Variants in GLB1 observed in about 807,000 individuals in gnomAD.
GLB1 encodes beta-galactosidase.
Under a neutral mutation model 74.0 loss-of-function variants are expected in GLB1, and 56 were observed. That is an observed-to-expected ratio of 0.76 (90% CI 0.61 to 0.94). The LOEUF is 0.94. Among genes scored for constraint, GLB1 ranks in the 40% least tolerant of loss-of-function variants. The pLI, the probability that GLB1 is intolerant of heterozygous loss-of-function variation, is 0.00. For missense variants in GLB1, 787 were observed against 845.5 expected, an observed-to-expected ratio of 0.93 and a Z score of 0.86; for synonymous variants, 323 against 323.6, an observed-to-expected ratio of 1.00 and a Z score of 0.02.
At chr3:33,015,241 T>C (rs1016283938) in intron 14 of GLB1, among the ~76,000 whole-genome samples, 3 of 152,142 alleles carry the variant, frequency 2.0e-5, no homozygotes, top group Admixed American at 2.0e-4. Context: ...GTACGACGGA[T>C]GCAGCCAGGA....
intron 12 of GLB1, among the ~76,000 whole-genome samples, chr3:33,019,725 G>GTTTCC (rs911180399): frequency 3.3e-5 from 5 of 152,198 alleles, no homozygotes; most frequent in African/African-American, 1.2e-4. Flanking sequence ...AAAGTGGTAA[G>GTTTCC]TTTCCTCAAG....
intron 6 of GLB1, among the ~76,000 whole-genome samples, chr3:33,055,830 G>A (rs1699192202): frequency 6.6e-6 from 1 of 151,760 alleles, no homozygotes; most frequent in Non-Finnish European, 1.5e-5. Flanking sequence ...CAACCTAACG[G>A]ATGAGTCCTT....
In GLB1 at chr3:33,007,261, T is replaced by G. The variant is rs370918105; in HGVS notation, c.1734+6795A>C. On this transcript the variant is annotated intron_variant, in intron 15 of 15. Coordinates refer to ENST00000307363, the MANE Select transcript of GLB1 (RefSeq NM_000404.4). The stretch of plus-strand genomic sequence containing the variant: ...ATTCATATACCATACAATTCAGCAG[T>G]CTTTAGTATACTACAGAGCTGCACA... 4.6e-5 allele frequency among the ~76,000 whole-genome samples: 7 copies of G among 152,286 alleles called. No individual in the cohort carries two copies. The East Asian group carries it at 9.6e-4, about 21-fold the overall frequency.
chr3:33,027,390 C>T (rs1301639159), intron 10 of GLB1, among the ~76,000 whole-genome samples: 3 of 152,226 alleles, frequency 2.0e-5, no homozygotes, highest in East Asian at 1.9e-4. Flanking sequence ...GGGATCCAGG[C>T]AGGAAGCATG....
At chr3:33,049,743 G>A (rs1490230738) in intron 9 of GLB1, among the ~76,000 whole-genome samples, 1 of 152,094 alleles carries the variant, frequency 6.6e-6, no homozygotes, top group Non-Finnish European at 1.5e-5. Context: ...AGCCCTGCAT[G>A]CATTAGCTAT....
At chr3:33,041,038 T>C (rs1698475972) in intron 10 of GLB1, among the ~76,000 whole-genome samples, 5 of 152,098 alleles carry the variant, frequency 3.3e-5, no homozygotes, top group Admixed American at 3.3e-4. Flanking sequence ...TTACGAGCTG[T>C]GAAGGCTAGA....
Position 33,001,081 on chromosome 3 carries a change from C to T in GLB1, c.1735-3737G>A, listed in dbSNP as rs138208627. On this transcript the variant is annotated intron_variant, in intron 15 of 15. Transcript: ENST00000307363. Reference sequence around the variant, plus strand: ...TTCCTCCTTGTGTCTGCCGCACTCCCCCTTGCTCACTCCACTCTCCACTAC... The same window carrying T: ...TTCCTCCTTGTGTCTGCCGCACTCCTCCTTGCTCACTCCACTCTCCACTAC... Among the ~76,000 whole-genome samples, 255 of 152,200 alleles carry T rather than the reference C, an allele frequency of 1.7e-3. 3 individuals are homozygous for T. The highest frequency in any genetic ancestry group is 5.9e-3 in the African/African-American group (243 of 41,526).
chr3:33,066,959 A>G (rs1266461499), intron 4 of GLB1, among the ~76,000 whole-genome samples: 1 of 152,006 alleles, frequency 6.6e-6, no homozygotes, highest in East Asian at 1.9e-4. Flanking sequence ...CTACCAAGCA[A>G]TCCAATGACA....
intron 10 of GLB1, chr3:33,038,032 A>G (rs1698350752): frequency 6.7e-6 from 1 of 148,598 alleles, no homozygotes; most frequent in East Asian, 1.9e-4. Context: ...AAAAAAAAAA[A>G]AAAAAAAAAA....
chr3:32,992,658 C>T (rs573477678), downstream of GLB1, among the ~76,000 whole-genome samples: 6 of 142,370 alleles, frequency 4.2e-5, no homozygotes, highest in South Asian at 1.1e-3. Context: ...GGGTTTCTGT[C>T]CTCAAAGCCT....
chr3:32,978,281 A>G, the GLB1 span, among the ~76,000 whole-genome samples: 2 of 152,214 alleles, frequency 1.3e-5, no homozygotes, highest in Non-Finnish European at 2.9e-5. Context: ...TTCTTAGCAC[A>G]TTCGGCATGA....
At chr3:33,022,583 T>TTTTTTTTTTTTTTTTTA (rs1697544254) in intron 11 of GLB1, among the ~76,000 whole-genome samples, 2 of 144,984 alleles carry the variant, frequency 1.4e-5, no homozygotes, top group African/African-American at 2.5e-5. Flanking sequence ...TTTTTTTTTT[T>TTTTTTTTTTTTTTTTTA]GAGAGAGTCT....
chr3:33,041,174 AAAAG>A (rs1367330904), intron 10 of GLB1, among the ~76,000 whole-genome samples: 2 of 152,224 alleles, frequency 1.3e-5, no homozygotes, highest in Non-Finnish European at 2.9e-5. Context: ...AGGATAAACG[AAAAG>A]AAAGTCACAC....
chr3:33,015,883 C>T (rs531280576), intron 14 of GLB1, among the ~76,000 whole-genome samples: 10 of 152,360 alleles, frequency 6.6e-5, no homozygotes, highest in South Asian at 4.1e-4. Context: ...TCTCTCCTCT[C>T]GCGGAGGTTG....
chr3:32,968,657 G>T, the GLB1 span, among the ~76,000 whole-genome samples: 1 of 152,184 alleles, frequency 6.6e-6, no homozygotes, highest in African/African-American at 2.4e-5. Flanking sequence ...ATTACATGAA[G>T]TCACAAAGAA....
At chr3:32,972,812 C>T in the GLB1 span, among the ~76,000 whole-genome samples, 4 of 152,128 alleles carry the variant, frequency 2.6e-5, no homozygotes, top group Middle Eastern at 3.2e-3. Flanking sequence ...TGTAAGAAAA[C>T]CCAATTCCCC....
chr3:32,999,013 A>G (rs1457881662), intron 15 of GLB1, among the ~76,000 whole-genome samples: 1 of 152,026 alleles, frequency 6.6e-6, no homozygotes, highest in African/African-American at 2.4e-5. Context: ...CATTGGGGAC[A>G]ATGATGATGA....
chr3:32,987,149 C>T, the GLB1 span, among the ~76,000 whole-genome samples: 2 of 152,200 alleles, frequency 1.3e-5, no homozygotes, highest in African/African-American at 4.8e-5. Context: ...CCACCAGTGG[C>T]AGCCTGCGGC....
At position 33,014,201 on chromosome 3, in the gene GLB1, C is replaced by A. The variant is rs534898382; in HGVS notation, c.1589G>T (p.Arg530Leu). The change falls in exon 15 of 16, where the codon CGT (arginine) becomes CTT (leucine). Residue 530 changes from arginine to leucine, a missense_variant. Physicochemically the swap from Arg to Leu is moderately radical, Grantham distance 102 (BLOSUM62 -2). Transcript: ENST00000307363. ...VCSHLGGWGH[R>L]DSGHHDEAWA... ...GGCTTCATCATGGTGGCCACTGTCA[C>A]GGTGTCCCCAGCCCCCCAGGTGGCT... is the stretch of plus-strand genomic sequence containing the variant. 1 of 1,614,160 alleles carries A rather than the reference C, an allele frequency of 6.2e-7. No homozygotes were observed. Among genetic ancestry groups the A allele is most frequent in the South Asian group, 1.1e-5 (1 of 91,076 alleles).
Sources: allele counts gnomAD v4.1 joint callset (sites outside exome capture counted in the v4.1 genomes callset), GRCh38; gene constraint gnomAD v4.1.1; transcripts MANE v1.5; gene names NCBI Gene and HGNC (gene_info 2026-07-23, HGNC 2026-07-21).